Variants in PASD1 observed in about 807,000 individuals in gnomAD.
PASD1 encodes the protein PAS domain containing repressor 1, also known as circadian clock protein PASD1.
A neutral mutation model predicts 58.8 loss-of-function variants in PASD1; 13 were observed. That is an observed-to-expected ratio of 0.22 (90% CI 0.14 to 0.35). The LOEUF (loss-of-function observed/expected upper bound fraction) is 0.35, where lower values mean the gene tolerates loss of function less well. Among genes scored for constraint, PASD1 ranks in the 10% least tolerant of loss-of-function variants. The probability of loss-of-function intolerance (pLI) is 1.00; values close to 1 mark genes in which losing one functional copy is unlikely to be tolerated. For missense variants in PASD1, 734 were observed against 568.3 expected (o/e 1.29, Z -2.96); for synonymous variants, 236 against 216.7 (o/e 1.09, Z -0.78).
intron 1 of PASD1, among the ~76,000 whole-genome samples, chrX:151,581,683 A>G (rs2047170833): frequency 9.0e-6 from 1 of 111,541 alleles, no homozygotes; most frequent in African/African-American, 3.3e-5. Context: ...CATTTTTGGT[A>G]AATTCTCTGG....
Position 151,664,345 on chromosome X carries a change from T to TCAGG in PASD1, c.1069_1071+1dup. The TCAGG allele has an allele frequency of 1.7e-6, 2 of 1,211,846 alleles. No individual in the cohort carries two copies. Among genetic ancestry groups the TCAGG allele is most frequent in the Non-Finnish European group, 2.2e-6 (2 of 895,352 alleles). On this transcript the variant is annotated frameshift_variant, in exon 11 of 16. Coordinates refer to ENST00000370357, the MANE Select transcript of PASD1 (RefSeq NM_173493.3). LOFTEE classifies it high-confidence loss of function. ...ACCTGGGGGCTGCTGGCGCAAGTGC[T>TCAGG]CAGGTACTCTGAAAGTCTCGCTTCA...
intron 8 of PASD1, among the ~76,000 whole-genome samples, chrX:151,637,390 T>G (rs748172656): frequency 8.9e-6 from 1 of 111,769 alleles, no homozygotes; most frequent in Non-Finnish European, 1.9e-5. Context: ...TGTTTGTTTG[T>G]TTTCTGGAGA....
intron 4 of PASD1, among the ~76,000 whole-genome samples, 180 bp downstream of exon 4, chrX:151,611,933 A>G (rs1446183059): frequency 1.9e-5 from 2 of 106,203 alleles, no homozygotes; most frequent in Non-Finnish European, 3.9e-5. Flanking sequence ...TCTTCATTTA[A>G]TATTAGGTGT....
intron 1 of PASD1, among the ~76,000 whole-genome samples, chrX:151,576,025 A>AT (rs2012999220): frequency 4.1e-5 from 1 of 24,252 alleles, no homozygotes; most frequent in Non-Finnish European, 1.8e-4. Flanking sequence ...CACCATACCT[A>AT]ATTTTTTTTT....
At chrX:151,673,687 T>G (rs2014506804) in intron 14 of PASD1, 8 of 434,270 alleles carry the variant, frequency 1.8e-5, no homozygotes, top group Non-Finnish European at 3.2e-5. Flanking sequence ...AACAAGACTG[T>G]CCAAGTAATA....
At chrX:151,575,209 A>ATTT (rs771942172) in intron 1 of PASD1, among the ~76,000 whole-genome samples, 1 of 54,570 alleles carries the variant, frequency 1.8e-5, no homozygotes. Flanking sequence ...GTTTAAGACC[A>ATTT]TTTTTTTTTT....
intron 4 of PASD1, among the ~76,000 whole-genome samples, chrX:151,615,423 A>G (rs1364641154): frequency 2.7e-5 from 3 of 111,649 alleles, no homozygotes; most frequent in African/African-American, 9.8e-5. Context: ...AAATAAATGT[A>G]TAACTATTAC....
chrX:151,671,165 A>C lies in PASD1; in HGVS notation c.1199A>C (p.Asn400Thr). 1 of 1,211,537 alleles carries C rather than the reference A, an allele frequency of 8.3e-7. No individual in the cohort carries two copies. The highest frequency in any genetic ancestry group is 1.7e-5 in the African/African-American group (1 of 57,847). The change falls in exon 12 of 16, where the codon AAT (asparagine) becomes ACT (threonine). Residue 400 changes from asparagine (N) to threonine (T), a missense_variant. By Grantham distance (65) the Asn-to-Thr change is moderately conservative. Transcript: ENST00000370357. Reference protein sequence around the residue: ...LLHDAIQNQQNALELMMDHLQ... With the variant: ...LLHDAIQNQQTALELMMDHLQ... The stretch of plus-strand genomic sequence containing the variant: ...CATGATGCCATCCAAAACCAGCAGA[A>C]TGCATTGGAATTGATGATGGATCAC...
In PASD1 at chrX:151,565,556, TA is replaced by T. The variant is rs1328029850; in HGVS notation, c.-28+1718del. 5.4e-3 allele frequency among the ~76,000 whole-genome samples: 505 copies of T among 94,026 alleles called. 1 individual carries two copies. The highest frequency in any genetic ancestry group is 0.02 in the African/African-American group (475 of 24,256). 81.7% of individuals were successfully genotyped at this position (94,026 alleles called of 115,157 possible). A position where few individuals can be genotyped will look rare whatever the true frequency, so the allele number is the denominator to read the frequency against. On this transcript the variant is annotated intron_variant, in intron 1 of 15. Coordinates refer to ENST00000370357, the MANE Select transcript of PASD1 (RefSeq NM_173493.3). The stretch of plus-strand genomic sequence containing the variant: ...AGTGGCTTTCTTTTTTCTTTTTCCT[TA>T]CTTTTTTTTTTTTTTTTTTTGAGAC...
At position 151,648,607 on chromosome X, in the gene PASD1, A is replaced by G. The variant is rs1368129364; in HGVS notation, c.630-8A>G. The G allele has an allele frequency of 8.3e-7, 1 of 1,202,841 alleles. No homozygotes were observed. The highest frequency in any genetic ancestry group is 1.8e-5 in the African/African-American group (1 of 56,772). On this transcript the variant is annotated splice_region_variant and splice_polypyrimidine_tract_variant and intron_variant, in intron 8 of 15. Coordinates refer to ENST00000370357, the MANE Select transcript of PASD1 (RefSeq NM_173493.3). ...ATGCTTACCATCTCTCTTTTTTCCTATTTATAGTAGCTCTCAAGGTCAAAG... is the reference window on the plus strand; with the variant it reads ...ATGCTTACCATCTCTCTTTTTTCCTGTTTATAGTAGCTCTCAAGGTCAAAG...
intron 1 of PASD1, among the ~76,000 whole-genome samples, chrX:151,600,043 A>AT (rs758836888): frequency 8.9e-6 from 1 of 112,168 alleles, no homozygotes; most frequent in African/African-American, 3.2e-5. Context: ...CTGGCAGATC[A>AT]CTCGCGGTCA....
chrX:151,616,257 T>A (rs1250028743), intron 4 of PASD1, among the ~76,000 whole-genome samples: 5 of 110,975 alleles, frequency 4.5e-5, no homozygotes, highest in African/African-American at 1.6e-4. Context: ...AAGTACAGAG[T>A]CCACTTGGAG....
chrX:151,632,520 C>A (rs1349958199), intron 8 of PASD1, among the ~76,000 whole-genome samples: 2 of 111,274 alleles, frequency 1.8e-5, no homozygotes, highest in Non-Finnish European at 3.8e-5. Flanking sequence ...GTCAGCTCGA[C>A]CCTGCCTTGT....
intron 1 of PASD1, among the ~76,000 whole-genome samples, chrX:151,583,589 A>G (rs1388188534): frequency 9.0e-6 from 1 of 111,603 alleles, no homozygotes; most frequent in Non-Finnish European, 1.9e-5. Flanking sequence ...AACTGGCAAT[A>G]TTTTTCAGTT....
At chrX:151,655,133 T>C (rs1358406493) in intron 9 of PASD1, among the ~76,000 whole-genome samples, 8 of 111,677 alleles carry the variant, frequency 7.2e-5, no homozygotes, top group Non-Finnish European at 9.5e-5. Flanking sequence ...GATAGTTTGC[T>C]GAGAATGATG....
At chrX:151,659,937 G>A in intron 10 of PASD1, 101 bp downstream of exon 10, 6 of 777,632 alleles carry the variant, frequency 7.7e-6, no homozygotes, top group Non-Finnish European at 8.6e-6. Flanking sequence ...CTATAATACT[G>A]TGAAATCCCA....
At chrX:151,668,990 C>T (rs780907379) in intron 11 of PASD1, among the ~76,000 whole-genome samples, 8 of 107,821 alleles carry the variant, frequency 7.4e-5, no homozygotes, top group Admixed American at 1.0e-4. Flanking sequence ...AGTTCTCCCA[C>T]GTCAGCCTCC....
chrX:151,600,083 C>A (rs1044033779), intron 1 of PASD1, among the ~76,000 whole-genome samples: 1 of 112,219 alleles, frequency 8.9e-6, no homozygotes, highest in African/African-American at 3.2e-5. Flanking sequence ...GCCAACAAGG[C>A]GAAACCCCGT....
chrX:151,674,047 C>T lies in PASD1; in HGVS notation c.2036C>T (p.Thr679Ile). 3 of 1,211,828 alleles carry T rather than the reference C, an allele frequency of 2.5e-6. No individual in the cohort carries two copies. The highest frequency in any genetic ancestry group is 1.7e-5 in the African/African-American group (1 of 57,843). ...CAGTTTCCCATAACTTCAGACTCAA[C>T]CATAAGCACCCTGGAGACCCCACAG... ...IPQFPITSDSTISTLETPQDY... is the reference protein window; with the variant it reads ...IPQFPITSDSIISTLETPQDY... The change falls in exon 15 of 16, where the codon ACC becomes ATC. Residue 679 changes from threonine (T) to isoleucine (I), a missense_variant. By Grantham distance (89) the Thr-to-Ile change is moderately conservative. Coordinates refer to ENST00000370357, the MANE Select transcript of PASD1 (RefSeq NM_173493.3).
Sources: allele counts gnomAD v4.1 joint callset (sites outside exome capture counted in the v4.1 genomes callset), GRCh38; gene constraint gnomAD v4.1.1; transcripts MANE v1.5; gene names NCBI Gene and HGNC (gene_info 2026-07-23, HGNC 2026-07-21).